Variants in PLCB1 observed in about 807,000 individuals in gnomAD.
PLCB1 encodes the protein phospholipase C beta 1, also known as 1-phosphatidylinositol 4,5-bisphosphate phosphodiesterase beta-1.
Under a neutral mutation model 161.8 loss-of-function variants are expected in PLCB1, and 46 were observed. The observed-to-expected ratio is 0.28, with a 90% CI of 0.22 to 0.36. The LOEUF is 0.36. PLCB1 is among the 10% of genes least tolerant of loss of function. The pLI is 1.00. For synonymous variants in PLCB1, 517 were observed against 503.7 expected (o/e 1.03, Z -0.35); for missense variants, 1,016 against 1,472.5 (o/e 0.69, Z 5.07).
At chr20:8,559,870 A>G (rs1986087602) in intron 3 of PLCB1, among the ~76,000 whole-genome samples, 1 of 151,960 alleles carries the variant, frequency 6.6e-6, no homozygotes, top group African/African-American at 2.4e-5. Flanking sequence ...TCTGAGTTTC[A>G]TTGTGTATAA....
chr20:8,824,120 C>T (rs73085992), intron 31 of PLCB1, among the ~76,000 whole-genome samples: 7,379 of 152,048 alleles, frequency 0.049, 255 homozygotes, highest in Non-Finnish European at 0.072. Flanking sequence ...AACAAAATTG[C>T]GTTTTTTGAA....
intron 17 of PLCB1, among the ~76,000 whole-genome samples, chr20:8,728,213 G>A (rs1363452460): frequency 6.6e-6 from 1 of 152,052 alleles, no homozygotes; most frequent in African/African-American, 2.4e-5. Context: ...CTATTTTATA[G>A]ATGAGGAGAC....
At chr20:8,156,303 C>G (rs1208554938) in intron 2 of PLCB1, among the ~76,000 whole-genome samples, 1 of 152,186 alleles carries the variant, frequency 6.6e-6, no homozygotes, top group Non-Finnish European at 1.5e-5. Flanking sequence ...CCAGAACTCT[C>G]TAGTGGGATT....
chr20:8,451,142 C>T (rs531834029), intron 3 of PLCB1, among the ~76,000 whole-genome samples: 4 of 152,200 alleles, frequency 2.6e-5, no homozygotes, highest in South Asian at 2.1e-4. Flanking sequence ...TTCAGCCACA[C>T]GGTATTGATT....
chr20:8,425,314 C>T (rs577742119), intron 3 of PLCB1, among the ~76,000 whole-genome samples: 2 of 152,268 alleles, frequency 1.3e-5, no homozygotes, highest in African/African-American at 2.4e-5. Context: ...AAAAGGTCAA[C>T]TTAGGCGTGG....
At chr20:8,496,089 A>G (rs6077370) in intron 3 of PLCB1, among the ~76,000 whole-genome samples, 106,234 of 152,042 alleles carry the variant, frequency 0.7, 37,267 homozygotes, top group Admixed American at 0.71. Context: ...CATTCCCAGC[A>G]TATAATATGT....
intron 2 of PLCB1, among the ~76,000 whole-genome samples, chr20:8,282,643 T>C (rs1012248275): frequency 6.6e-6 from 1 of 152,144 alleles, no homozygotes; most frequent in African/African-American, 2.4e-5. Flanking sequence ...TGAAATCCAC[T>C]TGGGTAAAAA....
intron 3 of PLCB1, among the ~76,000 whole-genome samples, chr20:8,438,062 C>T (rs182496320): frequency 2.0e-5 from 3 of 152,080 alleles, no homozygotes; most frequent in Admixed American, 6.5e-5. Flanking sequence ...TTTATATCTT[C>T]ATATATGAAT....
chr20:8,213,438 G>A (rs888558176), intron 2 of PLCB1, among the ~76,000 whole-genome samples: 2 of 152,082 alleles, frequency 1.3e-5, no homozygotes, highest in Admixed American at 6.6e-5. Context: ...TGGGCTGGGA[G>A]GAAGAGCTTT....
chr20:8,880,378 C>A (rs1366317117), intron 31 of PLCB1, among the ~76,000 whole-genome samples: 3 of 152,126 alleles, frequency 2.0e-5, no homozygotes, highest in Admixed American at 2.0e-4. Context: ...AAGACATCCA[C>A]GTAAGTCTCC....
intron 3 of PLCB1, among the ~76,000 whole-genome samples, chr20:8,501,714 T>C (rs1983414728): frequency 6.6e-6 from 1 of 151,836 alleles, no homozygotes; most frequent in African/African-American, 2.4e-5. Flanking sequence ...TTCTATGGAG[T>C]TGAGTTTCCT....
chr20:8,538,721 C>G (rs1201573780), intron 3 of PLCB1, among the ~76,000 whole-genome samples: 2 of 152,006 alleles, frequency 1.3e-5, no homozygotes, highest in Non-Finnish European at 2.9e-5. Context: ...TGCACCAATT[C>G]TGTGACCAGA....
At chr20:8,385,173 C>A (rs777417213) in intron 3 of PLCB1, among the ~76,000 whole-genome samples, 2 of 152,248 alleles carry the variant, frequency 1.3e-5, no homozygotes, top group African/African-American at 2.4e-5. Flanking sequence ...GGCCACTCCT[C>A]TCCCTGGGGC....
At chr20:8,169,042 CT>C (rs1008473441) in intron 2 of PLCB1, among the ~76,000 whole-genome samples, 26 of 149,272 alleles carry the variant, frequency 1.7e-4, no homozygotes, top group Admixed American at 6.7e-4. Context: ...CTGAGCTCAT[CT>C]TTTTTTTTTA....
chr20:8,874,723 GGTTTT>G (rs1250224390), intron 31 of PLCB1, among the ~76,000 whole-genome samples: 2 of 151,940 alleles, frequency 1.3e-5, no homozygotes, highest in Non-Finnish European at 1.5e-5. Context: ...TTCACAGGCT[GGTTTT>G]GTTTTGTTTT....
At chr20:8,414,512 A>G (rs549654099) in intron 3 of PLCB1, among the ~76,000 whole-genome samples, 1 of 146,758 alleles carries the variant, frequency 6.8e-6, no homozygotes, top group African/African-American at 2.8e-5. Flanking sequence ...GTAAGAGAAG[A>G]AAAAATGCCA....
intron 4 of PLCB1, among the ~76,000 whole-genome samples, chr20:8,632,034 GCTTTTTT>G (rs869146535): frequency 1.2e-4 from 10 of 81,758 alleles, no homozygotes; most frequent in South Asian, 4.5e-4. Flanking sequence ...GGTTTTTTTT[GCTTTTTT>G]TTTTTTTTTT....
intron 9 of PLCB1, among the ~76,000 whole-genome samples, chr20:8,679,624 A>AGGAGCATTGT (rs1454072084): frequency 6.6e-6 from 1 of 152,222 alleles, no homozygotes; most frequent in Non-Finnish European, 1.5e-5. Flanking sequence ...TGACATCTTT[A>AGGAGCATTGT]GGAGCATTGT....
At chr20:8,603,249 A>G (rs1471307332) in intron 3 of PLCB1, among the ~76,000 whole-genome samples, 1 of 152,162 alleles carries the variant, frequency 6.6e-6, no homozygotes, top group East Asian at 1.9e-4. Context: ...AATGGCACCT[A>G]TAACTAAAAA....
Sources: gnomAD v4.1 joint callset for allele counts (sites outside exome capture counted in the v4.1 genomes callset) on GRCh38, gnomAD v4.1.1 for gene constraint, MANE v1.5 for transcripts, NCBI Gene and HGNC (gene_info 2026-07-23, HGNC 2026-07-21) for gene names.